MAP7D2: variants seen among roughly 807,000 people sequenced by gnomAD.
MAP7D2 encodes the protein MAP7 domain containing 2.
Under a neutral mutation model 63.5 loss-of-function variants are expected in MAP7D2, and 33 were observed. The ratio of observed to expected loss-of-function variants is 0.52; its 90% CI spans 0.39 to 0.70. The LOEUF (loss-of-function observed/expected upper bound fraction) is 0.70. MAP7D2 is among the 30% of genes least tolerant of loss of function. The pLI is 0.00. For synonymous variants in MAP7D2, 224 were observed against 223.7 expected, an observed-to-expected ratio of 1.00 and a Z score of -0.01; for missense variants, 626 against 604.0, an observed-to-expected ratio of 1.04 and a Z score of -0.38.
intron 1 of MAP7D2, among the ~76,000 whole-genome samples, chrX:20,078,733 A>G (rs945534769): frequency 4.5e-5 from 5 of 111,957 alleles, no homozygotes; most frequent in Non-Finnish European, 9.4e-5. Context: ...TATCATCATT[A>G]TTACTGGTTT....
chrX:20,105,445 C>T (rs768578732), intron 1 of MAP7D2, among the ~76,000 whole-genome samples: 1 of 111,464 alleles, frequency 9.0e-6, no homozygotes, highest in African/African-American at 3.3e-5. Flanking sequence ...GAAGCAGGTG[C>T]TGGGTAATCA....
intron 8 of MAP7D2, among the ~76,000 whole-genome samples, chrX:20,040,679 T>G (rs761663344): frequency 9.0e-6 from 1 of 111,692 alleles, no homozygotes; most frequent in South Asian, 3.8e-4. Context: ...TCAGTGGAGC[T>G]GTCAGAACAC....
chrX:20,008,710 C>T (rs1383985327), intron 16 of MAP7D2, among the ~76,000 whole-genome samples: 1 of 112,099 alleles, frequency 8.9e-6, no homozygotes, highest in Non-Finnish European at 1.9e-5. Flanking sequence ...AAACCATCAA[C>T]GTATGTCCAA....
intron 8 of MAP7D2, among the ~76,000 whole-genome samples, chrX:20,029,428 T>C (rs1569516666): frequency 8.9e-6 from 1 of 112,084 alleles, no homozygotes; most frequent in Non-Finnish European, 1.9e-5. Context: ...AAGATCCTAA[T>C]CCTAGGGAGA....
intron 10 of MAP7D2, 80 bp downstream of exon 10, chrX:20,024,871 G>T: frequency 9.3e-7 from 1 of 1,078,364 alleles, no homozygotes; most frequent in Non-Finnish European, 1.3e-6. Context: ...CAATACCAAC[G>T]CTGTAAAAAG....
intron 8 of MAP7D2, among the ~76,000 whole-genome samples, chrX:20,037,404 C>T (rs1373644112): frequency 5.4e-5 from 6 of 111,788 alleles, no homozygotes; most frequent in African/African-American, 1.9e-4. Flanking sequence ...TCCCCCAGCC[C>T]GCACCGATGG....
chrX:20,107,848 T>C (rs1311624039), intron 1 of MAP7D2, among the ~76,000 whole-genome samples: 4 of 112,170 alleles, frequency 3.6e-5, no homozygotes, highest in African/African-American at 1.3e-4. Context: ...TTAGTTTTTG[T>C]AGTTTTTTCA....
chrX:20,015,596 C>A (rs1018678306), intron 11 of MAP7D2, among the ~76,000 whole-genome samples: 7 of 112,500 alleles, frequency 6.2e-5, no homozygotes, highest in Admixed American at 2.8e-4. Flanking sequence ...CAGGCTTGGG[C>A]CATGAAGTGT....
intron 1 of MAP7D2, among the ~76,000 whole-genome samples, chrX:20,103,826 C>T (rs1425169771): frequency 2.7e-5 from 3 of 111,692 alleles, no homozygotes; most frequent in Non-Finnish European, 5.6e-5. Flanking sequence ...TTGTACCTTG[C>T]ATGTCTTATC....
At chrX:20,073,908 G>C (rs1210620801) in intron 1 of MAP7D2, among the ~76,000 whole-genome samples, 1 of 104,471 alleles carries the variant, frequency 9.6e-6, no homozygotes, top group East Asian at 3.1e-4. Context: ...AGGCCGAGGC[G>C]GGCGGATCAC....
chrX:20,076,773 A>G (rs1365607880), intron 1 of MAP7D2, among the ~76,000 whole-genome samples: 1 of 112,183 alleles, frequency 8.9e-6, no homozygotes, highest in Non-Finnish European at 1.9e-5. Flanking sequence ...ATAGGGAACT[A>G]CTTTAAGACT....
intron 1 of MAP7D2, among the ~76,000 whole-genome samples, chrX:20,087,298 G>C (rs1033887426): frequency 4.5e-5 from 5 of 112,005 alleles, no homozygotes; most frequent in East Asian, 2.8e-4. Flanking sequence ...TGCTATGCTC[G>C]TGGTAATGAG....
intron 1 of MAP7D2, among the ~76,000 whole-genome samples, chrX:20,106,785 T>G (rs2066578497): frequency 9.0e-6 from 1 of 111,601 alleles, no homozygotes; most frequent in East Asian, 2.8e-4. Flanking sequence ...GGCTCATGCC[T>G]GTAATCCCAG....
chrX:20,059,758 GAAGGAAAGATAGA>G (rs1415152665), intron 3 of MAP7D2, among the ~76,000 whole-genome samples: 1 of 109,764 alleles, frequency 9.1e-6, no homozygotes, highest in Non-Finnish European at 1.9e-5. Flanking sequence ...AGAGAGGAAG[GAAGGAAAGATAGA>G]AAGGAAGGAA....
At chrX:20,094,516 GTATATATATATA>G (rs1208747143) in intron 1 of MAP7D2, among the ~76,000 whole-genome samples, 2 of 11,884 alleles carry the variant, frequency 1.7e-4, no homozygotes, top group African/African-American at 6.4e-4. Context: ...ATATATATAT[GTATATATATATA>G]TATATATATA....
At chrX:20,013,448 G>T in intron 13 of MAP7D2, 121 bp downstream of exon 13, 1 of 642,432 alleles carries the variant, frequency 1.6e-6, no homozygotes, top group Non-Finnish European at 2.4e-6. Flanking sequence ...CAGGAACAAA[G>T]CAGGAAAACT....
chrX:20,053,907 G>C (rs755672974), intron 4 of MAP7D2, among the ~76,000 whole-genome samples: 1 of 111,454 alleles, frequency 9.0e-6, no homozygotes, highest in Non-Finnish European at 1.9e-5. Flanking sequence ...GCAGTGGCAC[G>C]ATCTCGGCTC....
chrX:20,098,558 G>T (rs374870678), intron 1 of MAP7D2, among the ~76,000 whole-genome samples: 26 of 99,968 alleles, frequency 2.6e-4, no homozygotes, highest in African/African-American at 8.9e-4. Context: ...TCTACACGGT[G>T]GGGGGGGGAG....
chrX:20,082,069 G>A (rs1426268347), intron 1 of MAP7D2, among the ~76,000 whole-genome samples: 1 of 112,230 alleles, frequency 8.9e-6, no homozygotes, highest in South Asian at 3.7e-4. Flanking sequence ...GATGGTCCCA[G>A]TTACACCACT....
Sources: gnomAD v4.1 joint callset for allele counts (sites outside exome capture counted in the v4.1 genomes callset) on GRCh38, gnomAD v4.1.1 for gene constraint, MANE v1.5 for transcripts, NCBI Gene and HGNC (gene_info 2026-07-23, HGNC 2026-07-21) for gene names.